The following RANBP2 variants were observed in gnomAD, a reference collection of about 807,000 sequenced individuals.
RANBP2 encodes the protein E3 SUMO-protein ligase RanBP2.
Under a neutral mutation model 303.6 loss-of-function variants are expected in RANBP2, and 57 were observed. The ratio of observed to expected loss-of-function variants is 0.19; its 90% CI spans 0.15 to 0.23. RANBP2 has a LOEUF of 0.23. RANBP2 is among the 10% of genes least tolerant of loss of function. RANBP2 has a pLI of 1.00. For missense variants in RANBP2, 3,138 were observed against 3,780.8 expected (o/e 0.83, Z 4.46); for synonymous variants, 1,167 against 1,301.5 (o/e 0.90, Z 2.23).
At chr2:109,093,684 A>C in the RANBP2 span, among the ~76,000 whole-genome samples, 7 of 152,268 alleles carry the variant, frequency 4.6e-5, no homozygotes, top group African/African-American at 1.7e-4. Flanking sequence ...ACTGATATAC[A>C]AGCTATATGT....
At chr2:109,190,804 A>G in the RANBP2 span, among the ~76,000 whole-genome samples, 1 of 152,008 alleles carries the variant, frequency 6.6e-6, no homozygotes, top group Non-Finnish European at 1.5e-5. Context: ...ACCCAGGCTC[A>G]AATTAATCAT....
intron 1 of RANBP2, among the ~76,000 whole-genome samples, chr2:108,726,081 C>T (rs1043214285): frequency 6.6e-6 from 1 of 152,146 alleles, no homozygotes; most frequent in South Asian, 2.1e-4. Flanking sequence ...AGCTGTGTCA[C>T]CCGTGGTCCA....
the RANBP2 span, among the ~76,000 whole-genome samples, chr2:109,471,939 T>C: frequency 6.6e-6 from 1 of 152,202 alleles, no homozygotes; most frequent in African/African-American, 2.4e-5. Context: ...TTCATGTAAC[T>C]TGGTCTGAAG....
At chr2:108,933,586 C>A in the RANBP2 span, among the ~76,000 whole-genome samples, 1 of 152,146 alleles carries the variant, frequency 6.6e-6, no homozygotes, top group Admixed American at 6.6e-5. Flanking sequence ...GTTTCCAGAC[C>A]CTCTTGATGA....
chr2:109,447,181 AAAAAG>A, the RANBP2 span, among the ~76,000 whole-genome samples: 4 of 151,430 alleles, frequency 2.6e-5, no homozygotes, highest in Non-Finnish European at 5.9e-5. Context: ...AAAGAAAAAG[AAAAAG>A]AAAACAGAAA....
the RANBP2 span, among the ~76,000 whole-genome samples, chr2:109,575,219 AG>A: frequency 2.6e-5 from 4 of 152,306 alleles, no homozygotes; most frequent in South Asian, 8.3e-4. Flanking sequence ...GACTGCTCGA[AG>A]GGGCTGGCAG....
chr2:109,435,928 C>T, the RANBP2 span, among the ~76,000 whole-genome samples: 75 of 152,266 alleles, frequency 4.9e-4, no homozygotes, highest in African/African-American at 1.7e-3. Context: ...CACCCAGGGT[C>T]CCCTAGCAGG....
the RANBP2 span, among the ~76,000 whole-genome samples, chr2:109,238,734 C>A: frequency 6.6e-6 from 1 of 152,186 alleles, no homozygotes; most frequent in African/African-American, 2.4e-5. Flanking sequence ...ACTTCCTTCC[C>A]CCAGGCAGCT....
At chr2:108,805,391 A>G in the RANBP2 span, among the ~76,000 whole-genome samples, 1 of 152,104 alleles carries the variant, frequency 6.6e-6, no homozygotes, top group Admixed American at 6.6e-5. Flanking sequence ...TCATGTTCTC[A>G]TGGTTATAAA....
the RANBP2 span, among the ~76,000 whole-genome samples, chr2:108,934,894 TC>T: frequency 6.6e-6 from 1 of 152,190 alleles, no homozygotes; most frequent in African/African-American, 2.4e-5. Context: ...AAATGTCTCT[TC>T]CCACCTGAGG....
chr2:108,983,677 C>T, the RANBP2 span, among the ~76,000 whole-genome samples: 1 of 152,182 alleles, frequency 6.6e-6, no homozygotes, highest in African/African-American at 2.4e-5. Context: ...CTTCCAGATA[C>T]GAGGAAGGAA....
At chr2:108,937,610 ATG>A in the RANBP2 span, among the ~76,000 whole-genome samples, 16 of 101,480 alleles carry the variant, frequency 1.6e-4, no homozygotes, top group East Asian at 5.8e-4. Context: ...GTGTGTGTAT[ATG>A]TGTGTGAGTG....
chr2:109,632,974 C>T, the RANBP2 span, among the ~76,000 whole-genome samples: 3 of 152,174 alleles, frequency 2.0e-5, no homozygotes, highest in South Asian at 2.1e-4. Context: ...ATTGTACTCG[C>T]GCTCTGTGGA....
chr2:109,517,781 A>G, the RANBP2 span, among the ~76,000 whole-genome samples: 1 of 152,208 alleles, frequency 6.6e-6, no homozygotes, highest in Non-Finnish European at 1.5e-5. Context: ...AGTGCTGTCG[A>G]GAGCCTGGAG....
chr2:109,468,918 T>C, the RANBP2 span, among the ~76,000 whole-genome samples: 1 of 147,822 alleles, frequency 6.8e-6, no homozygotes, highest in African/African-American at 2.5e-5. Flanking sequence ...TTTTCAACCC[T>C]CTACGGCTTT....
chr2:108,855,167 TAAATTA>T, the RANBP2 span, among the ~76,000 whole-genome samples: 1 of 152,152 alleles, frequency 6.6e-6, no homozygotes, highest in African/African-American at 2.4e-5. Context: ...AAATATTCAA[TAAATTA>T]AAATGAAGAC....
At chr2:109,303,803 A>G in the RANBP2 span, among the ~76,000 whole-genome samples, 1 of 152,222 alleles carries the variant, frequency 6.6e-6, no homozygotes, top group Admixed American at 6.5e-5. Flanking sequence ...GAGTCTGTGA[A>G]GCCATCACCA....
At chr2:109,552,998 G>A in the RANBP2 span, 2 of 1,460,826 alleles carry the variant, frequency 1.4e-6, no homozygotes, top group Non-Finnish European at 1.9e-6. Context: ...GCCTACAAAA[G>A]AGTCTCAAGC....
chr2:109,456,875 A>G, the RANBP2 span, among the ~76,000 whole-genome samples: 3 of 152,216 alleles, frequency 2.0e-5, no homozygotes, highest in Admixed American at 6.5e-5. Flanking sequence ...TGGGGAGAAT[A>G]GCCTAGGGCT....
Sources: allele counts gnomAD v4.1 joint callset (sites outside exome capture counted in the v4.1 genomes callset), GRCh38; gene constraint gnomAD v4.1.1; transcripts MANE v1.5; gene names NCBI Gene and HGNC (gene_info 2026-07-23, HGNC 2026-07-21).